Variants in AVIL observed in about 807,000 individuals in gnomAD.
The protein encoded by AVIL is advillin.
Under a neutral mutation model 109.9 loss-of-function variants are expected in AVIL, and 78 were observed. The ratio of observed to expected loss-of-function variants is 0.71; its 90% CI spans 0.59 to 0.86. The LOEUF (loss-of-function observed/expected upper bound fraction) is 0.86, where lower values mean the gene tolerates loss of function less well. Among genes scored for constraint, AVIL ranks in the 40% least tolerant of loss-of-function variants. AVIL has a pLI of 0.00. For synonymous variants in AVIL, 367 were observed against 379.1 expected (o/e 0.97, Z 0.37); for missense variants, 892 against 1,016.5 (o/e 0.88, Z 1.67).
At chr12:57,809,293 C>T (rs1033378353) in intron 9 of AVIL, 1 of 371,076 alleles carries the variant, frequency 2.7e-6, no homozygotes, top group African/African-American at 2.1e-5. Flanking sequence ...AGCCACTGCG[C>T]CCGGCCCTGA....
chr12:57,807,326 C>G lies in AVIL; in HGVS notation c.1491+5G>C, dbSNP rs764564143. 6.2e-7 allele frequency: 1 copy of G among 1,614,198 alleles called. No individual in the cohort carries two copies. The highest frequency in any genetic ancestry group is 1.7e-5 in the Admixed American group (1 of 60,026). ...CATGGTGTAATTTTATCAGAGCATC[C>G]TCACCTCAAAGATAACTAGCTTCCC... On this transcript the variant is annotated splice_donor_5th_base_variant and intron_variant, in intron 13 of 19. Transcript: ENST00000549994.
rs376322015 is a variant in AVIL, at chr12:57,806,576, C to G, written c.1492-37G>C. The G allele has an allele frequency of 2.0e-5, 32 of 1,608,932 alleles. No individual in the cohort carries two copies. In the African/African-American group the frequency reaches 2.9e-4, roughly 15 times the overall value. On this transcript the variant is annotated intron_variant, in intron 13 of 19. Coordinates refer to ENST00000549994, the MANE Select transcript of AVIL (RefSeq NM_006576.4). ...AAAAGCAGAGTCCAGATCTAAGGAG[C>G]ACCATGTGAGCAGAGTGCTAGAGGA...
At chr12:57,804,486 T>A (rs1178845972) in intron 14 of AVIL, 1 of 152,268 alleles carries the variant, frequency 6.6e-6, no homozygotes, top group Non-Finnish European at 1.5e-5. Context: ...GTAGGATTGC[T>A]GGATCATACG....
At chr12:57,808,753 T>C in intron 9 of AVIL, 1 of 602,162 alleles carries the variant, frequency 1.7e-6, no homozygotes, top group Non-Finnish European at 2.9e-6. Flanking sequence ...TGGATCTGTT[T>C]ATTGGCTTGC....
intron 14 of AVIL, 140 bp downstream of exon 14, chr12:57,806,220 T>C: frequency 1.2e-6 from 1 of 829,060 alleles, no homozygotes. Flanking sequence ...ATCTTCTCTG[T>C]ATCATTCCAG....
At chr12:57,801,671 T>C (rs1040874548) in intron 17 of AVIL, among the ~76,000 whole-genome samples, 6 of 151,418 alleles carry the variant, frequency 4.0e-5, no homozygotes, top group African/African-American at 1.2e-4. Flanking sequence ...ACCCAGGAGG[T>C]AGAGGTTGCA....
At position 57,799,788 on chromosome 12, in the gene AVIL, C is replaced by T. The variant is rs1565827898; in HGVS notation, c.2346+7G>A. 1 of 1,613,754 alleles carries T rather than the reference C, an allele frequency of 6.2e-7. No individual in the cohort carries two copies. Among genetic ancestry groups the T allele is most frequent in the South Asian group, 1.1e-5 (1 of 91,076 alleles). ...TTCCAACAGACACAGTTCCTTCAGC[C>T]ACTCACCTCCTTTTTGGCAGGGTTT... On this transcript the variant is annotated splice_region_variant and intron_variant, in intron 19 of 19. Coordinates refer to ENST00000549994, the MANE Select transcript of AVIL (RefSeq NM_006576.4).
At chr12:57,815,569 C>G (rs1322073158) in intron 2 of AVIL, 2 of 1,241,780 alleles carry the variant, frequency 1.6e-6, no homozygotes, top group African/African-American at 1.6e-5. Context: ...CTCTGCAGTG[C>G]CCCCTCACCT....
Position 57,806,438 on chromosome 12 carries a change from TG to T in AVIL, c.1592del (p.Pro531GlnfsTer7). 6.2e-7 allele frequency: 1 copy of T among 1,614,158 alleles called. No individual in the cohort carries two copies. The highest frequency in any genetic ancestry group is 1.1e-5 in the South Asian group (1 of 91,076). ...DKSNTKAVEV[P>X]AFASSLNSND... is the part of the protein sequence containing the mutation. ...TGGAGTTTAGGGAGGAGGCAAAGGC[TG>T]GAACTTCCACTGCTTTGGTGTTAGA... On this transcript the variant is annotated frameshift_variant, in exon 14 of 20. Coordinates refer to ENST00000549994, the MANE Select transcript of AVIL (RefSeq NM_006576.4). LOFTEE classifies it high-confidence loss of function.
Position 57,807,679 on chromosome 12 carries a change from A to G in AVIL, c.1243T>C (p.Tyr415His). 1 of 1,614,144 alleles carries G rather than the reference A, an allele frequency of 6.2e-7. No individual in the cohort carries two copies. Among genetic ancestry groups the G allele is most frequent in the Non-Finnish European group, 8.5e-7 (1 of 1,180,042 alleles). The change falls in exon 12 of 20, where the codon TAT (tyrosine) becomes CAT (histidine). Residue 415 changes from tyrosine (Y) to histidine (H), a missense_variant. Coordinates refer to ENST00000549994, the MANE Select transcript of AVIL (RefSeq NM_006576.4). Reference sequence around the variant, plus strand: ...CAGTCTCCCCCATAAAAGAAGCCATACCATTGATACTCCACAGGGACCAGC... The same window carrying G: ...CAGTCTCCCCCATAAAAGAAGCCATGCCATTGATACTCCACAGGGACCAGC... ...LELVPVEYQW[Y>H]GFFYGGDCYL...
chr12:57,808,370 G>A, intron 10 of AVIL, 25 bp downstream of exon 10: 1 of 1,614,174 alleles, frequency 6.2e-7, no homozygotes, highest in Middle Eastern at 1.6e-4. Flanking sequence ...TTAGCAATGA[G>A]AGGATGATCT....
intron 19 of AVIL, 68 bp from the exon 20 acceptor site, chr12:57,798,063 A>G (rs1955771708): frequency 8.2e-7 from 1 of 1,216,792 alleles, no homozygotes; most frequent in East Asian, 2.5e-5. Flanking sequence ...AAGTTGAGGA[A>G]GTTGGAGCAA....
intron 3 of AVIL, 43 bp downstream of exon 3, chr12:57,814,109 C>A: frequency 6.2e-7 from 1 of 1,601,462 alleles, no homozygotes; most frequent in Non-Finnish European, 8.5e-7. Flanking sequence ...CAAGAACTGG[C>A]CCCAGGGGAG....
chr12:57,813,409 G>A lies in AVIL; in HGVS notation c.156C>T (p.Ala52=), dbSNP rs1483800616. Residue 52 remains alanine, a synonymous_variant, in exon 4 of 20, where the codon GCC becomes GCT. Transcript: ENST00000549994. ...AGTGGATGTCCTGGGATAGGAGACT[G>A]GCCACTCTCCGGGTCTGGGAGGTAG... ...CYVILSTRRV[A]SLLSQDIHFW... The A allele has an allele frequency of 6.2e-7, 1 of 1,613,742 alleles. No homozygotes were observed. The highest frequency in any genetic ancestry group is 1.3e-5 in the African/African-American group (1 of 74,904).
Position 57,816,073 on chromosome 12 carries a change from G to A in AVIL, c.-19-14C>T, listed in dbSNP as rs1197259195. The stretch of plus-strand genomic sequence containing the variant: ...GTCTTTCCAGGACTGAAACATCACA[G>A]AACAAGAGGGGAGATGATATCTCTT... On this transcript the variant is annotated splice_polypyrimidine_tract_variant and intron_variant, in intron 1 of 19. Transcript: ENST00000549994. The A allele has an allele frequency of 1.3e-6, 2 of 1,586,934 alleles. No individual in the cohort carries two copies. The highest frequency in any genetic ancestry group is 2.3e-5 in the South Asian group (2 of 88,348).
Position 57,810,341 on chromosome 12 carries a change from C to G in AVIL, c.761+8G>C. Reference sequence around the variant, plus strand: ...AGCTTCCAGCTAAAACCAGGTTGAGCTACTCACTGATACAACATGATAGTT... The same window carrying G: ...AGCTTCCAGCTAAAACCAGGTTGAGGTACTCACTGATACAACATGATAGTT... On this transcript the variant is annotated splice_region_variant and intron_variant, in intron 7 of 19. Transcript: ENST00000549994. The G allele has an allele frequency of 6.2e-7, 1 of 1,613,966 alleles. No homozygotes were observed. The highest frequency in any genetic ancestry group is 8.5e-7 in the Non-Finnish European group (1 of 1,179,874).
In AVIL at chr12:57,802,188, A is replaced by T; in HGVS notation, c.2123T>A (p.Phe708Tyr). Residue 708 changes from phenylalanine to tyrosine, a missense_variant, in exon 17 of 20, where the codon TTC becomes TAC. Coordinates refer to ENST00000549994, the MANE Select transcript of AVIL (RefSeq NM_006576.4). ...CCAAATGTTAGGGTCCCAGGCTAGG[A>T]ACCAGCCTGTGAAGATGGGAGGCTC... is the stretch of plus-strand genomic sequence containing the variant. ...GFEPPIFTGW[F>Y]LAWDPNIWSA... The T allele has an allele frequency of 1.9e-6, 3 of 1,613,986 alleles. No individual in the cohort carries two copies. The highest frequency in any genetic ancestry group is 1.7e-6 in the Non-Finnish European group (2 of 1,179,874).
At position 57,813,223 on chromosome 12, in the gene AVIL, T is replaced by C. The variant is rs370431077; in HGVS notation, c.338+4A>G. ...CTGTCCTTGCTCTGTGCACCCCTAC[T>C]CACATGATGCCCTGCTTGAAGTAGC... On this transcript the variant is annotated splice_donor_region_variant and intron_variant, in intron 4 of 19. Transcript: ENST00000549994. The C allele has an allele frequency of 9.4e-5, 151 of 1,609,920 alleles. No homozygotes were observed. Among genetic ancestry groups the C allele is most frequent in the Non-Finnish European group, 1.2e-4 (141 of 1,176,878 alleles).
chr12:57,806,527 TG>T lies in AVIL; in HGVS notation c.1503del (p.Arg502GlyfsTer11). The T allele has an allele frequency of 6.2e-7, 1 of 1,614,128 alleles. No homozygotes were observed. Among genetic ancestry groups the T allele is most frequent in the Non-Finnish European group, 8.5e-7 (1 of 1,180,000 alleles). Reference protein sequence around the residue: ...GKLVIFEGGTSRKGNAEPDPP... With the variant: ...GKLVIFEGGTXRKGNAEPDPP... ...GGGTCAGGCTCGGCATTTCCCTTCC[TG>T]GAAGTCCCACCCTAGAGAGAAGAAA... On this transcript the variant is annotated frameshift_variant, in exon 14 of 20. Transcript: ENST00000549994. LOFTEE classifies it high-confidence loss of function.
Sources: allele counts gnomAD v4.1 joint callset (sites outside exome capture counted in the v4.1 genomes callset), GRCh38; gene constraint gnomAD v4.1.1; transcripts MANE v1.5; gene names NCBI Gene and HGNC (gene_info 2026-07-23, HGNC 2026-07-21).